The following CCDC141 variants were observed in gnomAD, a reference collection of about 807,000 sequenced individuals.
CCDC141 encodes coiled-coil domain containing 141.
A neutral mutation model predicts 181.0 loss-of-function variants in CCDC141; 168 were observed. The observed-to-expected ratio is 0.93, with a 90% CI of 0.82 to 1.05. The LOEUF (loss-of-function observed/expected upper bound fraction) is 1.05, where lower values mean the gene tolerates loss of function less well. CCDC141 is among the 50% of genes least tolerant of loss of function. CCDC141 has a pLI of 0.00. For synonymous variants in CCDC141, 666 were observed against 642.3 expected (o/e 1.04, Z -0.56); for missense variants, 1,902 against 1,788.5 (o/e 1.06, Z -1.14).
chr2:178,871,434 T>A lies in CCDC141; in HGVS notation c.2198A>T (p.Gln733Leu). The A allele has an allele frequency of 6.2e-7, 1 of 1,613,364 alleles. No individual in the cohort carries two copies. Among genetic ancestry groups the A allele is most frequent in the Admixed American group, 1.7e-5 (1 of 59,896 alleles). The change falls in exon 14 of 24, where the codon CAG becomes CTG. Residue 733 changes from glutamine to leucine, a missense_variant. Physicochemically the swap from Gln to Leu is moderately radical, Grantham distance 113. Coordinates refer to ENST00000443758, the MANE Select transcript of CCDC141 (RefSeq NM_173648.4). Reference protein sequence around the residue: ...LRQKWNDMKPQFQQLNDEVQY... With the variant: ...LRQKWNDMKPLFQQLNDEVQY... The stretch of plus-strand genomic sequence containing the variant: ...AGCAATATATTTCTTCACCTGGAAC[T>A]GAGGCTTCATGTCATTCCATTTTTG...
intron 14 of CCDC141, among the ~76,000 whole-genome samples, chr2:178,869,616 T>C (rs764855133): frequency 2.6e-5 from 4 of 152,252 alleles, no homozygotes; most frequent in Non-Finnish European, 5.9e-5. Flanking sequence ...TAAGTAAATG[T>C]ATTTTAGATA....
chr2:178,919,942 A>T (rs1237233298), intron 6 of CCDC141, among the ~76,000 whole-genome samples: 2 of 152,212 alleles, frequency 1.3e-5, no homozygotes, highest in East Asian at 3.9e-4. Flanking sequence ...AAATGAAAAG[A>T]GGTAGCTTTT....
chr2:179,011,987 G>A (rs1185672008), intron 2 of CCDC141, among the ~76,000 whole-genome samples: 2 of 152,102 alleles, frequency 1.3e-5, no homozygotes, highest in South Asian at 2.1e-4. Flanking sequence ...TAAGAGGAAA[G>A]TTAATAGCTC....
intron 8 of CCDC141, among the ~76,000 whole-genome samples, chr2:178,893,950 AGAAGTTCCATTTCTAT>A (rs1687287490): frequency 6.6e-6 from 1 of 152,164 alleles, no homozygotes; most frequent in Admixed American, 6.6e-5. Flanking sequence ...AGAGATGGCT[AGAAGTTCCATTTCTAT>A]GAGGCCATAG....
At chr2:178,947,791 A>T (rs891686973) in intron 5 of CCDC141, among the ~76,000 whole-genome samples, 1 of 152,250 alleles carries the variant, frequency 6.6e-6, no homozygotes, top group Admixed American at 6.5e-5. Flanking sequence ...CTCATCATAC[A>T]TAGCTATCTT....
Position 178,978,619 on chromosome 2 carries a change from C to T in CCDC141, c.282G>A (p.Glu94=). The T allele has an allele frequency of 1.3e-6, 2 of 1,548,628 alleles. No individual in the cohort carries two copies. The highest frequency in any genetic ancestry group is 2.7e-5 in the African/African-American group (2 of 73,054). ...LLQEADKTAE[E]NKDQSQVYDA... is the part of the protein sequence containing the mutation. ...CATAGACCTGACTCTGATCCTTGTT[C>T]TCTTCAGCTGTCTTGTCTGCTTCCT... is the stretch of plus-strand genomic sequence containing the variant. Residue 94 remains glutamate, a synonymous_variant, in exon 3 of 24, where the codon GAG becomes GAA. Transcript: ENST00000443758.
intron 22 of CCDC141, among the ~76,000 whole-genome samples, chr2:178,841,780 G>A (rs976012715): frequency 6.6e-6 from 1 of 152,140 alleles, no homozygotes; most frequent in Non-Finnish European, 1.5e-5. Context: ...AAGTAGCTGG[G>A]ATTACAGGCA....
At chr2:178,886,947 A>G (rs989575058) in intron 9 of CCDC141, 76 bp from the exon 10 acceptor site, 41 of 845,928 alleles carry the variant, frequency 4.8e-5, no homozygotes, top group Non-Finnish European at 6.7e-5. Context: ...TCAGGAAGAT[A>G]AATATTATTT....
At chr2:178,949,343 C>G (rs1371410826) in intron 5 of CCDC141, among the ~76,000 whole-genome samples, 2 of 152,154 alleles carry the variant, frequency 1.3e-5, no homozygotes, top group Non-Finnish European at 1.5e-5. Context: ...TTGCACCCCT[C>G]CTATGATAGA....
chr2:178,996,534 C>T (rs191557490), intron 2 of CCDC141, among the ~76,000 whole-genome samples: 51 of 152,266 alleles, frequency 3.3e-4, no homozygotes, highest in African/African-American at 1.1e-3. Flanking sequence ...TGGGCTATTT[C>T]TATATCTAAT....
At chr2:178,977,724 T>C (rs1189503497) in intron 3 of CCDC141, among the ~76,000 whole-genome samples, 2 of 152,346 alleles carry the variant, frequency 1.3e-5, no homozygotes, top group South Asian at 2.1e-4. Context: ...TAATGCTTTA[T>C]CATAATGAAG....
In CCDC141 at chr2:178,853,448, G is replaced by A; in HGVS notation, c.3237C>T (p.His1079=). 1 of 1,613,868 alleles carries A rather than the reference G, an allele frequency of 6.2e-7. No individual in the cohort carries two copies. The highest frequency in any genetic ancestry group is 1.1e-5 in the South Asian group (1 of 91,074). ...TCTTAAAAGAGATCTCACCATATAA[G>A]TGCTGAGCAAGGTCAGTGGCCTCCT... ...RIQEATDLAQ[H]LYGLEEGQKY... The change falls in exon 20 of 24, where the codon CAC becomes CAT. Residue 1079 remains histidine, a synonymous_variant. Transcript: ENST00000443758.
intron 22 of CCDC141, among the ~76,000 whole-genome samples, 169 bp from the exon 23 acceptor site, chr2:178,837,913 G>T (rs918471424): frequency 2.6e-5 from 4 of 152,192 alleles, no homozygotes; most frequent in Non-Finnish European, 5.9e-5. Context: ...TGTCGATCCT[G>T]AGCACAGTCC....
chr2:178,916,156 G>A (rs924371143), intron 7 of CCDC141, among the ~76,000 whole-genome samples: 4 of 152,150 alleles, frequency 2.6e-5, no homozygotes, highest in African/African-American at 9.7e-5. Flanking sequence ...TCACAATTAG[G>A]AAACCCAGTG....
intron 2 of CCDC141, among the ~76,000 whole-genome samples, chr2:178,980,163 A>G (rs1303261546): frequency 6.6e-6 from 1 of 152,204 alleles, no homozygotes; most frequent in Non-Finnish European, 1.5e-5. Context: ...TGGAGAGTAG[A>G]TAGCTTCAAG....
chr2:179,041,336 G>C (rs1400154179), intron 2 of CCDC141, among the ~76,000 whole-genome samples: 2 of 151,692 alleles, frequency 1.3e-5, no homozygotes, highest in African/African-American at 4.8e-5. Context: ...CATTCTGACT[G>C]GTATGAGATG....
intron 6 of CCDC141, among the ~76,000 whole-genome samples, chr2:178,941,262 T>G (rs768338246): frequency 6.6e-6 from 1 of 152,208 alleles, no homozygotes; most frequent in South Asian, 2.1e-4. Context: ...ACCCCATCCT[T>G]CCAGAAAGCT....
chr2:178,856,975 G>A lies in CCDC141; in HGVS notation c.2725-578C>T, dbSNP rs146129781. 2.0e-5 allele frequency among the ~76,000 whole-genome samples: 3 copies of A among 152,224 alleles called. No individual in the cohort carries two copies. The East Asian group carries it at 5.8e-4, about 29-fold the overall frequency. ...TTCCAAATATAAGTAATTATAAAAT[G>A]TTAATACTTTTCGATTTGTAATTTT... On this transcript the variant is annotated intron_variant, in intron 17 of 23. Transcript: ENST00000443758.
intron 6 of CCDC141, among the ~76,000 whole-genome samples, chr2:178,920,248 T>C (rs1295644890): frequency 2.0e-5 from 3 of 152,212 alleles, no homozygotes; most frequent in African/African-American, 7.2e-5. Flanking sequence ...CCTGCCTTGT[T>C]CTACCAGTAC....
Sources: allele counts gnomAD v4.1 joint callset (sites outside exome capture counted in the v4.1 genomes callset), GRCh38; gene constraint gnomAD v4.1.1; transcripts MANE v1.5; gene names NCBI Gene and HGNC (gene_info 2026-07-23, HGNC 2026-07-21).